COL22A1: variants seen among roughly 807,000 people sequenced by gnomAD.
COL22A1 encodes the protein collagen type XXII alpha 1 chain.
Under a neutral mutation model 248.9 loss-of-function variants are expected in COL22A1, and 221 were observed. That is an observed-to-expected ratio of 0.89 (90% CI 0.80 to 0.99). COL22A1 has a LOEUF of 0.99. Among genes scored for constraint, COL22A1 ranks in the 50% least tolerant of loss-of-function variants. COL22A1 has a pLI of 0.00. For synonymous variants in COL22A1, 891 were observed against 793.4 expected, an observed-to-expected ratio of 1.12 and a Z score of -2.07; for missense variants, 2,240 against 2,179.0, an observed-to-expected ratio of 1.03 and a Z score of -0.56.
At chr8:138,772,541 G>T (rs73361026) in intron 16 of COL22A1, among the ~76,000 whole-genome samples, 1 of 152,184 alleles carries the variant, frequency 6.6e-6, no homozygotes, top group Non-Finnish European at 1.5e-5. Context: ...GGATGGCTGG[G>T]TGGGTGGGCA....
intron 49 of COL22A1, 28 bp from the exon 50 acceptor site, chr8:138,630,776 T>C: frequency 6.2e-7 from 1 of 1,607,860 alleles, no homozygotes; most frequent in Non-Finnish European, 8.5e-7. Flanking sequence ...GAAAGCTAGT[T>C]TCTTGTGCAT....
At chr8:138,757,829 A>G (rs1300887842) in intron 18 of COL22A1, among the ~76,000 whole-genome samples, 1 of 152,200 alleles carries the variant, frequency 6.6e-6, no homozygotes, top group Non-Finnish European at 1.5e-5. Flanking sequence ...TTCCCACAAT[A>G]TGGGTGACAC....
chr8:138,792,431 C>G (rs1816145344), intron 12 of COL22A1, among the ~76,000 whole-genome samples: 1 of 152,250 alleles, frequency 6.6e-6, no homozygotes, highest in African/African-American at 2.4e-5. Context: ...ACCGATCTGT[C>G]TCAGGGTCAC....
chr8:138,806,781 C>T (rs943462777), intron 10 of COL22A1, among the ~76,000 whole-genome samples: 2 of 152,176 alleles, frequency 1.3e-5, no homozygotes, highest in East Asian at 1.9e-4. Context: ...CAGGTAGGCT[C>T]CCACTCAAGC....
chr8:138,788,478 CAAG>C (rs1446420150), intron 12 of COL22A1, among the ~76,000 whole-genome samples: 10 of 152,126 alleles, frequency 6.6e-5, no homozygotes, highest in African/African-American at 2.4e-4. Flanking sequence ...TAGCAGATAG[CAAG>C]TTCTTGTAAA....
At chr8:138,805,254 A>T (rs545650224) in intron 10 of COL22A1, among the ~76,000 whole-genome samples, 15 of 105,212 alleles carry the variant, frequency 1.4e-4, no homozygotes, top group African/African-American at 6.6e-4. Context: ...GTGTCTGATG[A>T]TGTGAGCATG....
chr8:138,706,018 C>T (rs1012895736), intron 30 of COL22A1, among the ~76,000 whole-genome samples: 1 of 152,098 alleles, frequency 6.6e-6, no homozygotes, highest in African/African-American at 2.4e-5. Flanking sequence ...TTTAAAGCAA[C>T]AAAGATCAAA....
At chr8:138,778,575 C>T (rs1165283724) in intron 14 of COL22A1, among the ~76,000 whole-genome samples, 169 bp from the exon 15 acceptor site, 5 of 152,244 alleles carry the variant, frequency 3.3e-5, no homozygotes, top group Non-Finnish European at 7.3e-5. Context: ...CTCCCTCGAC[C>T]TCTGCTTCCC....
chr8:138,869,924 TGTGTGTGTA>T (rs1458497449), intron 3 of COL22A1, among the ~76,000 whole-genome samples: 1 of 152,106 alleles, frequency 6.6e-6, no homozygotes. Context: ...TGTTCCCAGA[TGTGTGTGTA>T]GTGTGTGTAG....
At chr8:138,726,374 G>A (rs1394836655) in intron 23 of COL22A1, among the ~76,000 whole-genome samples, 1 of 151,976 alleles carries the variant, frequency 6.6e-6, no homozygotes, top group Non-Finnish European at 1.5e-5. Flanking sequence ...GCTCTTGCCT[G>A]TAGTCCCAGC....
chr8:138,717,440 C>A (rs759995631), intron 27 of COL22A1, among the ~76,000 whole-genome samples: 5 of 152,088 alleles, frequency 3.3e-5, no homozygotes, highest in Non-Finnish European at 5.9e-5. Context: ...AGCCACTGCG[C>A]CCGGCCAGAA....
intron 53 of COL22A1, among the ~76,000 whole-genome samples, chr8:138,618,431 T>C (rs987934534): frequency 6.6e-6 from 1 of 152,176 alleles, no homozygotes; most frequent in Non-Finnish European, 1.5e-5. Flanking sequence ...ACAGGTTCCA[T>C]GGGTTTCCTG....
At chr8:138,876,888 G>T (rs1823756256) in intron 3 of COL22A1, among the ~76,000 whole-genome samples, 1 of 152,232 alleles carries the variant, frequency 6.6e-6, no homozygotes, top group Non-Finnish European at 1.5e-5. Flanking sequence ...CCCCTCCCGG[G>T]CCTGGAGGAG....
intron 56 of COL22A1, among the ~76,000 whole-genome samples, chr8:138,611,774 C>A (rs1472109233): frequency 6.6e-6 from 1 of 152,198 alleles, no homozygotes; most frequent in Non-Finnish European, 1.5e-5. Flanking sequence ...GTGACTCTAC[C>A]TGCTAAGTTC....
At chr8:138,749,187 CTG>C (rs1175709066) in intron 22 of COL22A1, among the ~76,000 whole-genome samples, 1 of 152,154 alleles carries the variant, frequency 6.6e-6, no homozygotes, top group African/African-American at 2.4e-5. Context: ...CCCCATGGAA[CTG>C]TGAGTCCATT....
At chr8:138,679,547 G>T (rs1825804708) in intron 40 of COL22A1, 70 bp downstream of exon 40, 2 of 1,322,856 alleles carry the variant, frequency 1.5e-6, no homozygotes, top group Non-Finnish European at 2.2e-6. Context: ...TTATTTTGTT[G>T]TTATAAAGCT....
intron 3 of COL22A1, among the ~76,000 whole-genome samples, chr8:138,864,040 G>A (rs572761416): frequency 6.6e-6 from 1 of 152,160 alleles, no homozygotes; most frequent in South Asian, 2.1e-4. Flanking sequence ...GCACAGAAGA[G>A]CTTAGGGCCT....
intron 10 of COL22A1, among the ~76,000 whole-genome samples, chr8:138,803,142 G>A (rs984279991): frequency 2.0e-5 from 3 of 152,132 alleles, no homozygotes; most frequent in Non-Finnish European, 2.9e-5. Context: ...CAGGAACCAC[G>A]GACTTCTTGA....
chr8:138,685,211 C>A lies in COL22A1; in HGVS notation c.2964G>T (p.Glu988Asp). 1.2e-6 allele frequency: 2 copies of A among 1,608,036 alleles called. No individual in the cohort carries two copies. The highest frequency in any genetic ancestry group is 1.7e-6 in the Non-Finnish European group (2 of 1,175,332). The change falls in exon 38 of 65, where the codon GAG (glutamate) becomes GAT (aspartate). Residue 988 changes from glutamate to aspartate, a missense_variant. By Grantham distance (45) the Glu-to-Asp change is conservative. Transcript: ENST00000303045. ...GGACCCCCGACCTTCCACTTACCGG[C>A]TCTCCATCCTTCCCTTTTCCGGGTG... The part of the protein sequence containing the change: ...PGPPGKGKDG[E>D]PGLRGSPGLP...
Sources: allele counts gnomAD v4.1 joint callset (sites outside exome capture counted in the v4.1 genomes callset), GRCh38; gene constraint gnomAD v4.1.1; transcripts MANE v1.5; gene names NCBI Gene and HGNC (gene_info 2026-07-23, HGNC 2026-07-21).